The following METTL24 variants were observed in gnomAD, a reference collection of about 807,000 sequenced individuals.
METTL24 encodes the protein probable methyltransferase-like protein 24.
In METTL24, 29 loss-of-function variants were observed where a neutral mutation model predicts 32.7. The observed-to-expected ratio is 0.89, with a 90% CI of 0.66 to 1.21. The LOEUF (loss-of-function observed/expected upper bound fraction) is 1.21. Ranked by LOEUF, METTL24 falls within the 50% of genes most tolerant of loss-of-function variation. METTL24 has a pLI of 0.00. For missense variants in METTL24, 439 were observed against 468.1 expected (o/e 0.94, Z 0.57); for synonymous variants, 163 against 179.5 (o/e 0.91, Z 0.73).
chr6:110,328,671 T>C (rs1772058620), intron 1 of METTL24, among the ~76,000 whole-genome samples: 1 of 152,106 alleles, frequency 6.6e-6, no homozygotes, highest in African/African-American at 2.4e-5. Flanking sequence ...TCCTAAAAGA[T>C]AATGCCAAAA....
intron 4 of METTL24, among the ~76,000 whole-genome samples, chr6:110,277,205 G>A (rs1261294021): frequency 1.3e-5 from 2 of 152,048 alleles, no homozygotes; most frequent in African/African-American, 4.8e-5. Flanking sequence ...CTCTTCCCTC[G>A]CTTCTCATGA....
At chr6:110,286,318 C>G (rs1022901760) in intron 4 of METTL24, among the ~76,000 whole-genome samples, 6 of 152,160 alleles carry the variant, frequency 3.9e-5, no homozygotes, top group Non-Finnish European at 7.4e-5. Context: ...GGATGATCTT[C>G]ACATCACCTG....
intron 3 of METTL24, among the ~76,000 whole-genome samples, chr6:110,314,714 C>T (rs532608696): frequency 9.2e-5 from 14 of 152,252 alleles, no homozygotes; most frequent in East Asian, 3.9e-4. Flanking sequence ...GTAATCCCAG[C>T]GCTTTGGGAG....
Position 110,358,193 on chromosome 6 carries a change from A to G in METTL24, c.80T>C (p.Leu27Pro), listed in dbSNP as rs1269927158. 2 of 1,447,190 alleles carry G rather than the reference A, an allele frequency of 1.4e-6. No homozygotes were observed. The highest frequency in any genetic ancestry group is 6.1e-5 in the East Asian group (2 of 32,758). The allele number at this position is 1,447,190 out of a possible 1,614,324, so 89.6% of individuals were successfully genotyped here. ...GCGCCGCAGCTCTGCGCAGAGCCGC[A>G]GGCCGAACAACAGCACAGCCCCGAG... Reference protein sequence around the residue: ...CLLGAVLLFGLRLCAELRRAG... With the variant: ...CLLGAVLLFGPRLCAELRRAG... Residue 27 changes from leucine to proline, a missense_variant, in exon 1 of 5, where the codon CTG becomes CCG. By Grantham distance (98) the Leu-to-Pro change is moderately conservative (BLOSUM62 -3). Coordinates refer to ENST00000338882, the MANE Select transcript of METTL24 (RefSeq NM_001123364.3).
chr6:110,271,926 T>C (rs1005551330), intron 4 of METTL24, among the ~76,000 whole-genome samples: 1 of 152,198 alleles, frequency 6.6e-6, no homozygotes, highest in Admixed American at 6.5e-5. Flanking sequence ...CCAAGCCCTA[T>C]AGGAATTTTT....
chr6:110,350,039 G>A (rs1050976195), intron 1 of METTL24, among the ~76,000 whole-genome samples: 3 of 152,238 alleles, frequency 2.0e-5, no homozygotes, highest in African/African-American at 7.2e-5. Flanking sequence ...CTTTGCATCT[G>A]TAGGGTACAA....
At chr6:110,261,577 G>A (rs1416542128) in intron 4 of METTL24, among the ~76,000 whole-genome samples, 1 of 152,114 alleles carries the variant, frequency 6.6e-6, no homozygotes, top group Non-Finnish European at 1.5e-5. Flanking sequence ...AGTTAACAAG[G>A]ATATCCAGGA....
chr6:110,349,343 T>C (rs73763041), intron 1 of METTL24, among the ~76,000 whole-genome samples: 6,584 of 152,254 alleles, frequency 0.043, 484 homozygotes, highest in African/African-American at 0.15. Flanking sequence ...AGAGCATTCA[T>C]CCCTCTGCCA....
At chr6:110,309,292 G>A (rs1020202515) in intron 3 of METTL24, among the ~76,000 whole-genome samples, 4 of 152,078 alleles carry the variant, frequency 2.6e-5, no homozygotes, top group African/African-American at 9.7e-5. Flanking sequence ...CACAGAATCT[G>A]GCCAAATAAC....
intron 1 of METTL24, among the ~76,000 whole-genome samples, chr6:110,340,655 G>T (rs1272779780): frequency 6.6e-6 from 1 of 152,182 alleles, no homozygotes; most frequent in East Asian, 1.9e-4. Flanking sequence ...TGGAGCACTT[G>T]TCCACAGCTT....
chr6:110,247,109 A>C (rs886968448), intron 4 of METTL24, among the ~76,000 whole-genome samples: 7 of 152,198 alleles, frequency 4.6e-5, no homozygotes, highest in Non-Finnish European at 7.3e-5. Flanking sequence ...CTGTGCAAAA[A>C]ATCCGTTAGA....
chr6:110,261,066 C>A (rs1245911231), intron 4 of METTL24, among the ~76,000 whole-genome samples: 6 of 152,094 alleles, frequency 3.9e-5, no homozygotes, highest in Admixed American at 2.0e-4. Flanking sequence ...AACTAATGAG[C>A]AAAATAACCA....
chr6:110,300,091 AT>A (rs2114732839), intron 3 of METTL24, among the ~76,000 whole-genome samples: 1 of 152,272 alleles, frequency 6.6e-6, no homozygotes, highest in African/African-American at 2.4e-5. Flanking sequence ...TTTTCAATAA[AT>A]ACAGTGAGCC....
intron 1 of METTL24, among the ~76,000 whole-genome samples, chr6:110,336,442 G>A (rs1031517016): frequency 2.5e-4 from 38 of 152,172 alleles, no homozygotes; most frequent in Non-Finnish European, 4.7e-4. Context: ...AAAGGCACTC[G>A]ATAAAAGATG....
At chr6:110,315,572 G>T (rs113004642) in intron 2 of METTL24, 91 bp from the exon 3 acceptor site, 17 of 1,398,798 alleles carry the variant, frequency 1.2e-5, no homozygotes, top group Non-Finnish European at 1.7e-5. Context: ...CTTGAAAACC[G>T]TAATAGGAAA....
At chr6:110,332,518 A>G in intron 1 of METTL24, 1 of 980,938 alleles carries the variant, frequency 1.0e-6, no homozygotes, top group Non-Finnish European at 1.2e-6. Flanking sequence ...CATACGTAGT[A>G]AAGTTTCAGA....
intron 1 of METTL24, among the ~76,000 whole-genome samples, chr6:110,326,186 TG>T (rs1221667184): frequency 5.3e-5 from 8 of 152,330 alleles, no homozygotes; most frequent in African/African-American, 1.9e-4. Flanking sequence ...AGAGGGATCT[TG>T]CCCCATACCC....
chr6:110,358,084 G>A lies in METTL24; in HGVS notation c.189C>T (p.Gly63=). ...PPGPHLPPAP[G]QPRGASRRQV... is the part of the protein sequence containing the mutation. ...GCCTCCTGCTGGCGCCGCGCGGCTG[G>A]CCCGGCGCGGGCGGCAGGTGCGGCC... The change falls in exon 1 of 5, where the codon GGC becomes GGT. Residue 63 remains glycine, a synonymous_variant. Coordinates refer to ENST00000338882, the MANE Select transcript of METTL24 (RefSeq NM_001123364.3). 2.0e-6 allele frequency: 2 copies of A among 998,252 alleles called. No homozygotes were observed. The highest frequency in any genetic ancestry group is 9.0e-5 in the South Asian group (2 of 22,216). The allele number at this position is 998,252 out of a possible 1,614,324, so 61.8% of individuals were successfully genotyped here.
intron 4 of METTL24, among the ~76,000 whole-genome samples, chr6:110,247,670 C>A (rs55820955): frequency 1.3e-5 from 2 of 152,298 alleles, no homozygotes; most frequent in Non-Finnish European, 2.9e-5. Flanking sequence ...GAACCTTAAG[C>A]AGCCCTTCAG....
Sources: gnomAD v4.1 joint callset for allele counts (sites outside exome capture counted in the v4.1 genomes callset) on GRCh38, gnomAD v4.1.1 for gene constraint, MANE v1.5 for transcripts, NCBI Gene and HGNC (gene_info 2026-07-23, HGNC 2026-07-21) for gene names.